COL21A1: variants seen among roughly 807,000 people sequenced by gnomAD.
The protein encoded by COL21A1 is collagen type XXI alpha 1 chain, also known as collagen alpha-1(XXI) chain.
In COL21A1, 149 loss-of-function variants were observed where a neutral mutation model predicts 137.9. The ratio of observed to expected loss-of-function variants is 1.08; its 90% CI spans 0.95 to 1.24. The LOEUF (loss-of-function observed/expected upper bound fraction) is 1.24. Ranked by LOEUF, COL21A1 falls within the 50% of genes most tolerant of loss-of-function variation. The pLI is 0.00. For missense variants in COL21A1, 1,167 were observed against 1,158.4 expected, an observed-to-expected ratio of 1.01 and a Z score of -0.11; for synonymous variants, 456 against 391.5, an observed-to-expected ratio of 1.16 and a Z score of -1.95.
intron 1 of COL21A1, among the ~76,000 whole-genome samples, chr6:56,268,773 C>G (rs9357899): frequency 0.49 from 74,841 of 152,050 alleles, 19,674 homozygotes; most frequent in East Asian, 0.86. Context: ...ACCCAGCAGT[C>G]GTTCTTAATC....
chr6:56,078,186 T>C (rs1437811424), intron 17 of COL21A1: 1 of 455,866 alleles, frequency 2.2e-6, no homozygotes, highest in South Asian at 1.5e-5. Flanking sequence ...CATATGCACA[T>C]GTCTGTAGCA....
At chr6:56,357,006 T>C (rs927939110) in intron 1 of COL21A1, among the ~76,000 whole-genome samples, 1 of 152,140 alleles carries the variant, frequency 6.6e-6, no homozygotes, top group African/African-American at 2.4e-5. Context: ...AAAGACAATA[T>C]ATATCATAAA....
At chr6:56,097,831 A>C (rs1424783671) in intron 17 of COL21A1, among the ~76,000 whole-genome samples, 9 of 48,530 alleles carry the variant, frequency 1.9e-4, no homozygotes, top group African/African-American at 6.9e-4. Context: ...ACATATAAAT[A>C]TATATAAATA....
intron 1 of COL21A1, among the ~76,000 whole-genome samples, chr6:56,270,484 C>G (rs1349637146): frequency 6.6e-6 from 1 of 152,124 alleles, no homozygotes; most frequent in African/African-American, 2.4e-5. Flanking sequence ...CTTCTACATC[C>G]CACTGACAGT....
At position 56,339,693 on chromosome 6, in the gene COL21A1, T is replaced by C. The variant is rs1765423700; in HGVS notation, c.-39+54278A>G. On this transcript the variant is annotated intron_variant, in intron 1 of 28. Transcript: ENST00000370819. Reference sequence around the variant, plus strand: ...TCCAGACATTTATATTCACCAGTGTTTAGTTAAAGTGAGAACTAAAGCTTG... The same window carrying C: ...TCCAGACATTTATATTCACCAGTGTCTAGTTAAAGTGAGAACTAAAGCTTG... Among the ~76,000 whole-genome samples, 3 of 152,228 alleles carry C rather than the reference T, an allele frequency of 2.0e-5. No individual in the cohort carries two copies. In the South Asian group the frequency reaches 6.2e-4, roughly 31 times the overall value.
At chr6:56,067,913 C>A (rs923058968) in intron 22 of COL21A1, among the ~76,000 whole-genome samples, 2 of 151,580 alleles carry the variant, frequency 1.3e-5, no homozygotes, top group African/African-American at 4.8e-5. Flanking sequence ...CAGTTAAGCA[C>A]CTGCCCAAAG....
intron 29 of COL21A1, among the ~76,000 whole-genome samples, chr6:56,058,926 C>T (rs1383057531): frequency 6.6e-6 from 1 of 152,012 alleles, no homozygotes; most frequent in African/African-American, 2.4e-5. Flanking sequence ...TTCTAGAACT[C>T]TTCTAAGGAA....
At chr6:56,059,014 T>C in intron 29 of COL21A1, 151 bp downstream of exon 29, 1 of 633,828 alleles carries the variant, frequency 1.6e-6, no homozygotes, top group Non-Finnish European at 2.8e-6. Flanking sequence ...TATGAAAAAA[T>C]ATTCCAGAAG....
chr6:56,152,894 C>A (rs1030725728), intron 10 of COL21A1, among the ~76,000 whole-genome samples: 1 of 152,084 alleles, frequency 6.6e-6, no homozygotes, highest in South Asian at 2.1e-4. Context: ...ACTTCAGCTG[C>A]CAGTCACAGA....
At chr6:56,318,044 G>A (rs917466672) in intron 1 of COL21A1, among the ~76,000 whole-genome samples, 5 of 151,990 alleles carry the variant, frequency 3.3e-5, no homozygotes, top group African/African-American at 9.7e-5. Flanking sequence ...AAAGAAAATC[G>A]GTTAGCACTA....
intron 1 of COL21A1, among the ~76,000 whole-genome samples, chr6:56,344,371 GAA>G (rs1367194621): frequency 2.0e-5 from 3 of 152,078 alleles, no homozygotes; most frequent in East Asian, 3.9e-4. Flanking sequence ...ATAAGAAAAA[GAA>G]AAGAGATGTT....
In COL21A1 at chr6:56,390,669, G is replaced by C. The variant is rs113253868; in HGVS notation, c.-39+3302C>G. ...AGGAGTACCTACACTTGTACTGTCA[G>C]ATAAAATAGATTTCATGACAAAAAC... On this transcript the variant is annotated intron_variant, in intron 1 of 28. Transcript: ENST00000370819. 1.8e-3 allele frequency among the ~76,000 whole-genome samples: 268 copies of C among 151,618 alleles called. 1 individual carries two copies. The highest frequency in any genetic ancestry group is 6.3e-3 in the African/African-American group (261 of 41,350).
Position 56,130,165 on chromosome 6 carries a change from TTATATATATATATATATATATATA to T in COL21A1, c.1543-4040_1543-4017del, listed in dbSNP as rs201644225. Reference sequence around the variant, plus strand: ...CCCTGAGAGCATTCATGACAGGGTTTTATATATATATATATATATATATATATATATATATATATATATATAAAA... The same window carrying T: ...CCCTGAGAGCATTCATGACAGGGTTTTATATATATATATATATATATAAAA... On this transcript the variant is annotated intron_variant, in intron 12 of 29. Transcript: ENST00000244728. Among the ~76,000 whole-genome samples the T allele has an allele frequency of 8.1e-4, 87 of 107,948 alleles. 2 individuals are homozygous for T. Among genetic ancestry groups the T allele is most frequent in the Middle Eastern group, 5.1e-3 (1 of 196 alleles). 70.8% of individuals were successfully genotyped at this position (107,948 alleles called of 152,430 possible). A position where few individuals can be genotyped will look rare whatever the true frequency, so the allele number is the denominator to read the frequency against.
intron 1 of COL21A1, among the ~76,000 whole-genome samples, chr6:56,216,634 G>C (rs1780505509): frequency 6.6e-6 from 1 of 152,048 alleles, no homozygotes. Flanking sequence ...CACAGCCAAT[G>C]CTAGGTCAAC....
upstream of COL21A1, among the ~76,000 whole-genome samples, chr6:56,250,587 G>C (rs913313757): frequency 6.6e-6 from 1 of 152,150 alleles, no homozygotes; most frequent in Non-Finnish European, 1.5e-5. Flanking sequence ...GCCTAGATGA[G>C]AGCCTCAGCC....
intron 1 of COL21A1, among the ~76,000 whole-genome samples, chr6:56,229,118 C>T (rs1170469890): frequency 6.6e-6 from 1 of 151,908 alleles, no homozygotes. Context: ...TGATGGCTCA[C>T]ACCTGGAATC....
chr6:56,383,871 G>A (rs1188783887), intron 1 of COL21A1, among the ~76,000 whole-genome samples: 1 of 152,178 alleles, frequency 6.6e-6, no homozygotes, highest in Non-Finnish European at 1.5e-5. Flanking sequence ...ATATTTGAGG[G>A]TGAGGGATTC....
At chr6:56,283,819 A>G (rs1369671704) in intron 1 of COL21A1, among the ~76,000 whole-genome samples, 2 of 152,080 alleles carry the variant, frequency 1.3e-5, no homozygotes, top group Non-Finnish European at 2.9e-5. Flanking sequence ...GCAGTCTCAG[A>G]AGGCATGGCA....
chr6:56,197,700 T>C (rs955114580), intron 1 of COL21A1, among the ~76,000 whole-genome samples: 1 of 151,970 alleles, frequency 6.6e-6, no homozygotes, highest in Non-Finnish European at 1.5e-5. Flanking sequence ...AGTCAAAAGA[T>C]AGCAAGCGTT....
Sources: gnomAD v4.1 joint callset for allele counts (sites outside exome capture counted in the v4.1 genomes callset) on GRCh38, gnomAD v4.1.1 for gene constraint, MANE v1.5 for transcripts, NCBI Gene and HGNC (gene_info 2026-07-23, HGNC 2026-07-21) for gene names.